Variants in LRP1B observed in about 807,000 individuals in gnomAD.
LRP1B encodes LDL receptor related protein 1B.
A neutral mutation model predicts 556.6 loss-of-function variants in LRP1B; 217 were observed. The observed-to-expected ratio is 0.39, with a 90% confidence interval of 0.35 to 0.44. LRP1B has a LOEUF of 0.44. LRP1B is among the 20% of genes least tolerant of loss of function. The pLI is 1.00. For missense variants in LRP1B, 5,053 were observed against 5,620.8 expected, an observed-to-expected ratio of 0.90 and a Z score of 3.23; for synonymous variants, 2,047 against 1,865.8, an observed-to-expected ratio of 1.10 and a Z score of -2.50.
At chr2:141,699,243 G>T (rs926076990) in intron 2 of LRP1B, among the ~76,000 whole-genome samples, 12 of 151,698 alleles carry the variant, frequency 7.9e-5, no homozygotes, top group African/African-American at 2.7e-4. Flanking sequence ...ACACTGATTG[G>T]GTCCCCAGTA....
chr2:140,389,028 G>C (rs1518439), intron 66 of LRP1B, among the ~76,000 whole-genome samples: 11,378 of 151,814 alleles, frequency 0.075, 704 homozygotes, highest in African/African-American at 0.17. Flanking sequence ...AATATAAAAC[G>C]CTCACAATAT....
intron 1 of LRP1B, among the ~76,000 whole-genome samples, chr2:141,976,969 T>C (rs1460624677): frequency 2.6e-5 from 4 of 152,150 alleles, no homozygotes; most frequent in Admixed American, 2.6e-4. Context: ...AATCTTCTTA[T>C]AATTACACTT....
At chr2:140,385,497 G>T (rs78179465) in intron 67 of LRP1B, among the ~76,000 whole-genome samples, 1 of 152,082 alleles carries the variant, frequency 6.6e-6, no homozygotes, top group East Asian at 1.9e-4. Context: ...GCTCATGGGC[G>T]AATTTATAGT....
At chr2:140,436,326 T>C (rs1686178578) in intron 66 of LRP1B, among the ~76,000 whole-genome samples, 1 of 152,142 alleles carries the variant, frequency 6.6e-6, no homozygotes, top group African/African-American at 2.4e-5. Flanking sequence ...AAAAGGATAA[T>C]AGCATATGTA....
At chr2:141,028,172 G>A (rs779444110) in intron 11 of LRP1B, among the ~76,000 whole-genome samples, 4 of 151,732 alleles carry the variant, frequency 2.6e-5, no homozygotes, top group Non-Finnish European at 5.9e-5. Flanking sequence ...AGATATCAAG[G>A]CTAGATGTAG....
chr2:141,446,793 A>G (rs1681208733), intron 3 of LRP1B, among the ~76,000 whole-genome samples: 1 of 152,124 alleles, frequency 6.6e-6, no homozygotes, highest in Non-Finnish European at 1.5e-5. Flanking sequence ...TCTTAGTCTG[A>G]TGGGATTTCC....
rs199990645 is a variant in LRP1B, at chr2:140,507,016, TTCA to T, written c.8399-101_8399-99del. 8.1e-3 allele frequency: 10,430 copies of T among 1,289,308 alleles called. 353 individuals carry two copies. The East Asian group carries it at 0.11, about 14-fold the overall frequency. The allele number at this position is 1,289,308 out of a possible 1,614,324, so 79.9% of individuals were successfully genotyped here. A position where few individuals can be genotyped will look rare whatever the true frequency, so the allele number is the denominator to read the frequency against. On this transcript the variant is annotated intron_variant, in intron 52 of 90. Coordinates refer to ENST00000389484, the MANE Select transcript of LRP1B (RefSeq NM_018557.3). Reference sequence around the variant, plus strand: ...GAATATATAAAATCATATCCAATAATTCATAGTTACTGAGAAAAAGAAAACTTT... The same window carrying T: ...GAATATATAAAATCATATCCAATAATTAGTTACTGAGAAAAAGAAAACTTT...
intron 35 of LRP1B, among the ~76,000 whole-genome samples, chr2:140,761,617 A>AGG (rs1052502940): frequency 5.9e-5 from 9 of 152,298 alleles, no homozygotes; most frequent in African/African-American, 2.2e-4. Flanking sequence ...CACATGACAA[A>AGG]GAACTGAGAT....
At chr2:141,276,604 A>G (rs1685297569) in intron 3 of LRP1B, among the ~76,000 whole-genome samples, 1 of 150,678 alleles carries the variant, frequency 6.6e-6, no homozygotes, top group African/African-American at 2.4e-5. Context: ...AGCTCCATCC[A>G]TGTTGATGCA....
chr2:141,595,601 G>A (rs1687487512), intron 2 of LRP1B, among the ~76,000 whole-genome samples: 4 of 152,012 alleles, frequency 2.6e-5, no homozygotes, highest in South Asian at 2.1e-4. Context: ...TTTATGTAAT[G>A]TTTTGACAAA....
intron 7 of LRP1B, among the ~76,000 whole-genome samples, chr2:141,092,107 A>T (rs1174412198): frequency 6.6e-6 from 1 of 152,184 alleles, no homozygotes; most frequent in African/African-American, 2.4e-5. Flanking sequence ...TGTTTATATC[A>T]ATCAGCTTAT....
At chr2:140,656,700 C>G (rs747493815) in intron 41 of LRP1B, among the ~76,000 whole-genome samples, 104 of 151,886 alleles carry the variant, frequency 6.8e-4, no homozygotes, top group Non-Finnish European at 1.4e-3. Flanking sequence ...GACTATTTGT[C>G]TGATTCATTC....
intron 77 of LRP1B, among the ~76,000 whole-genome samples, chr2:140,347,892 T>G (rs1681764401): frequency 6.6e-6 from 1 of 152,016 alleles, no homozygotes; most frequent in Non-Finnish European, 1.5e-5. Context: ...TGCATGCTCA[T>G]TAAACTAAGG....
chr2:141,003,507 T>C (rs1270631319), intron 15 of LRP1B, among the ~76,000 whole-genome samples: 2 of 152,046 alleles, frequency 1.3e-5, no homozygotes, highest in Non-Finnish European at 2.9e-5. Flanking sequence ...TGGGGACAAG[T>C]CTTTCTCATG....
At chr2:140,409,646 T>A (rs1684888521) in intron 66 of LRP1B, among the ~76,000 whole-genome samples, 1 of 152,044 alleles carries the variant, frequency 6.6e-6, no homozygotes, top group African/African-American at 2.4e-5. Flanking sequence ...CTAATATATA[T>A]TGATTGTTTT....
intron 52 of LRP1B, among the ~76,000 whole-genome samples, chr2:140,509,161 G>A (rs1689549095): frequency 6.6e-6 from 1 of 151,582 alleles, no homozygotes; most frequent in Non-Finnish European, 1.5e-5. Context: ...GTGAAGGCAG[G>A]CCATTGGAGA....
At chr2:141,069,501 A>T (rs961977854) in intron 7 of LRP1B, among the ~76,000 whole-genome samples, 16 of 152,050 alleles carry the variant, frequency 1.1e-4, no homozygotes, top group African/African-American at 3.6e-4. Flanking sequence ...TCTAGGCCCT[A>T]TCAGCAAGAG....
intron 3 of LRP1B, among the ~76,000 whole-genome samples, chr2:141,378,702 A>T (rs919386461): frequency 4.6e-5 from 7 of 152,204 alleles, no homozygotes; most frequent in African/African-American, 7.2e-5. Flanking sequence ...AAGAGAACTC[A>T]TTATTTTGAA....
At chr2:140,449,769 T>A (rs917761759) in intron 63 of LRP1B, among the ~76,000 whole-genome samples, 1 of 152,200 alleles carries the variant, frequency 6.6e-6, no homozygotes, top group Non-Finnish European at 1.5e-5. Context: ...TTCTTCTGTC[T>A]TTGTGTAGTA....
Sources: allele counts gnomAD v4.1 joint callset (sites outside exome capture counted in the v4.1 genomes callset), GRCh38; gene constraint gnomAD v4.1.1; transcripts MANE v1.5; gene names NCBI Gene and HGNC (gene_info 2026-07-23, HGNC 2026-07-21).